Variants in CAST observed in about 807,000 individuals in gnomAD.
The protein encoded by CAST is MIR583 host.
A neutral mutation model predicts 119.6 loss-of-function variants in CAST; 76 were observed. The ratio of observed to expected loss-of-function variants is 0.64; its 90% CI spans 0.53 to 0.77. CAST has a LOEUF of 0.77. Ranked by LOEUF, CAST falls within the 30% of genes least tolerant of loss-of-function variation. The pLI, the probability that CAST is intolerant of heterozygous loss-of-function variation, is 0.00. For synonymous variants in CAST, 319 were observed against 331.6 expected (o/e 0.96, Z 0.41); for missense variants, 953 against 946.5 (o/e 1.01, Z -0.09).
At chr5:96,601,837 A>G (rs1747159773) in intron 1 of CAST, among the ~76,000 whole-genome samples, 2 of 152,214 alleles carry the variant, frequency 1.3e-5, no homozygotes, top group Non-Finnish European at 2.9e-5. Flanking sequence ...TCAGCAGGGA[A>G]AGTTATCCGG....
At chr5:96,337,944 A>G in the CAST span, among the ~76,000 whole-genome samples, 2 of 152,050 alleles carry the variant, frequency 1.3e-5, no homozygotes, top group South Asian at 2.1e-4. Context: ...ATTTTTCCTT[A>G]TGTTTCTATA....
intron 1 of CAST, chr5:96,529,975 A>C (rs1042867268): frequency 7.6e-6 from 2 of 264,416 alleles, no homozygotes; most frequent in African/African-American, 4.6e-5. Context: ...CATTCTATAT[A>C]TATTTGGTGA....
the CAST span, among the ~76,000 whole-genome samples, chr5:96,043,472 C>T: frequency 1.3e-5 from 2 of 152,154 alleles, no homozygotes; most frequent in East Asian, 3.8e-4. Context: ...GAAAATCCAA[C>T]TAAAACTATT....
At chr5:96,566,293 T>C (rs1746468402) in intron 1 of CAST, among the ~76,000 whole-genome samples, 1 of 152,218 alleles carries the variant, frequency 6.6e-6, no homozygotes, top group Non-Finnish European at 1.5e-5. Context: ...GAATCATATA[T>C]TAGACTTGTT....
At chr5:96,161,788 TTCAA>T in the CAST span, among the ~76,000 whole-genome samples, 55 of 152,310 alleles carry the variant, frequency 3.6e-4, no homozygotes, top group Non-Finnish European at 1.8e-4. Flanking sequence ...TTTAATTTCT[TTCAA>T]CAATGCATTG....
At chr5:96,416,035 C>G in the CAST span, 1 of 1,600,182 alleles carries the variant, frequency 6.2e-7, no homozygotes, top group Non-Finnish European at 8.6e-7. Flanking sequence ...TGTTTTACCT[C>G]CAACTTTGGA....
At chr5:96,265,974 C>A in the CAST span, among the ~76,000 whole-genome samples, 8 of 152,084 alleles carry the variant, frequency 5.3e-5, no homozygotes, top group Non-Finnish European at 8.8e-5. Flanking sequence ...CTTAGACTAA[C>A]CTAATACAGT....
chr5:96,741,252 G>C lies in CAST; in HGVS notation c.919-14G>C. On this transcript the variant is annotated splice_polypyrimidine_tract_variant and intron_variant, in intron 13 of 31. Transcript: ENST00000675179. ...CTTCCCGTAAGTTACCCATCACTGT[G>C]CCTGTTTCTTTAGAAACCCATAGGG... 6.6e-7 allele frequency: 1 copy of C among 1,508,446 alleles called. No individual in the cohort carries two copies. Among genetic ancestry groups the C allele is most frequent in the Non-Finnish European group, 9.2e-7 (1 of 1,085,710 alleles). 93.4% of individuals were successfully genotyped at this position (1,508,446 alleles called of 1,614,324 possible).
chr5:96,128,099 A>G, the CAST span, among the ~76,000 whole-genome samples: 26 of 152,228 alleles, frequency 1.7e-4, no homozygotes, highest in African/African-American at 6.3e-4. Flanking sequence ...TGGAATTTCA[A>G]ATTAACTTCT....
chr5:96,093,491 C>T, the CAST span, among the ~76,000 whole-genome samples: 4 of 152,252 alleles, frequency 2.6e-5, no homozygotes, highest in Non-Finnish European at 2.9e-5. Flanking sequence ...GGGTGCCTGG[C>T]GAGGAAGCCA....
the CAST span, among the ~76,000 whole-genome samples, chr5:96,383,109 GC>G: frequency 6.6e-6 from 1 of 152,154 alleles, no homozygotes; most frequent in East Asian, 1.9e-4. Context: ...GTGTGTGGTT[GC>G]CTTGTGATAA....
chr5:96,368,500 T>TA, the CAST span, among the ~76,000 whole-genome samples: 39,459 of 132,952 alleles, frequency 0.3, 5,504 homozygotes, highest in South Asian at 0.35. Context: ...AAACTCCATC[T>TA]AAAAAAAAAA....
chr5:96,122,124 C>G, the CAST span, among the ~76,000 whole-genome samples: 7 of 152,082 alleles, frequency 4.6e-5, no homozygotes, highest in African/African-American at 1.4e-4. Flanking sequence ...TTATAGGATA[C>G]TGTTGAACAA....
the CAST span, among the ~76,000 whole-genome samples, chr5:96,061,145 G>A: frequency 6.6e-6 from 1 of 152,022 alleles, no homozygotes; most frequent in African/African-American, 2.4e-5. Flanking sequence ...ACAATTTTTG[G>A]AGGGGACACA....
the CAST span, among the ~76,000 whole-genome samples, chr5:96,385,485 T>C: frequency 6.6e-6 from 1 of 152,236 alleles, no homozygotes; most frequent in Non-Finnish European, 1.5e-5. Flanking sequence ...GCAAATGATT[T>C]AACCTTTCTG....
At chr5:96,237,821 C>T in the CAST span, among the ~76,000 whole-genome samples, 1 of 151,626 alleles carries the variant, frequency 6.6e-6, no homozygotes, top group Non-Finnish European at 1.5e-5. Flanking sequence ...TTATTTTTGT[C>T]CAAAGAATTT....
At chr5:96,184,526 C>T in the CAST span, among the ~76,000 whole-genome samples, 4 of 152,050 alleles carry the variant, frequency 2.6e-5, no homozygotes, top group South Asian at 2.1e-4. Context: ...CCCCAACAGG[C>T]CCCAGTGTGT....
At chr5:96,665,417 A>G (rs915379017) in intron 1 of CAST, among the ~76,000 whole-genome samples, 2 of 152,228 alleles carry the variant, frequency 1.3e-5, no homozygotes, top group African/African-American at 2.4e-5. Context: ...GTATATTTAC[A>G]TTAACAGCAC....
the CAST span, chr5:96,400,140 A>T: frequency 6.2e-7 from 1 of 1,614,160 alleles, no homozygotes; most frequent in East Asian, 2.2e-5. Flanking sequence ...TCATACTCAG[A>T]GGTCCAGACA....
Sources: allele counts gnomAD v4.1 joint callset (sites outside exome capture counted in the v4.1 genomes callset), GRCh38; gene constraint gnomAD v4.1.1; transcripts MANE v1.5; gene names NCBI Gene and HGNC (gene_info 2026-07-23, HGNC 2026-07-21).